The following PBRM1 variants were observed in gnomAD, a reference collection of about 807,000 sequenced individuals.
PBRM1 encodes protein polybromo-1.
A neutral mutation model predicts 194.5 loss-of-function variants in PBRM1; 27 were observed. The ratio of observed to expected loss-of-function variants is 0.14; its 90% CI spans 0.10 to 0.19. The LOEUF (loss-of-function observed/expected upper bound fraction) is 0.19, where lower values mean the gene tolerates loss of function less well. PBRM1 is among the 10% of genes least tolerant of loss of function. The probability of loss-of-function intolerance (pLI) is 1.00; values close to 1 mark genes in which losing one functional copy is unlikely to be tolerated. For missense variants in PBRM1, 1,466 were observed against 2,077.2 expected (o/e 0.71, Z 5.72); for synonymous variants, 655 against 693.2 (o/e 0.94, Z 0.87).
chr3:52,628,315 C>T (rs1163386305), intron 12 of PBRM1, among the ~76,000 whole-genome samples: 1 of 150,166 alleles, frequency 6.7e-6, no homozygotes, highest in Non-Finnish European at 1.5e-5. Context: ...AATCAGAAGG[C>T]TAACCCCATC....
chr3:52,574,745 G>T (rs372524013), intron 22 of PBRM1, among the ~76,000 whole-genome samples: 127 of 152,308 alleles, frequency 8.3e-4, no homozygotes, highest in African/African-American at 2.9e-3. Context: ...GCTGAGTGTT[G>T]AAGGTGTGCT....
intron 27 of PBRM1, among the ~76,000 whole-genome samples, chr3:52,553,913 C>T (rs1055439900): frequency 1.2e-4 from 19 of 152,136 alleles, no homozygotes; most frequent in Non-Finnish European, 2.2e-4. Flanking sequence ...CCGCCCACCT[C>T]GGCCTCCCAA....
chr3:52,574,616 CCAA>C (rs1199565270), intron 22 of PBRM1, among the ~76,000 whole-genome samples: 1 of 152,132 alleles, frequency 6.6e-6, no homozygotes, highest in Non-Finnish European at 1.5e-5. Context: ...CACACACATG[CCAA>C]CAATAGTGTA....
At chr3:52,613,330 C>CTATTCTGTTTTTT (rs2094752045) in intron 15 of PBRM1, among the ~76,000 whole-genome samples, 1 of 147,166 alleles carries the variant, frequency 6.8e-6, no homozygotes, top group South Asian at 2.1e-4. Flanking sequence ...GTTCACTGGA[C>CTATTCTGTTTTTT]TATTCTGTTT....
At chr3:52,554,960 A>G in intron 26 of PBRM1, 81 bp from the exon 29 acceptor site, 1 of 1,099,454 alleles carries the variant, frequency 9.1e-7, no homozygotes, top group Non-Finnish European at 1.4e-6. Context: ...CCCCACATGC[A>G]CTACCAATGA....
intron 29 of PBRM1, among the ~76,000 whole-genome samples, chr3:52,549,522 AAAC>A (rs746085631): frequency 2.0e-5 from 3 of 152,182 alleles, no homozygotes; most frequent in Non-Finnish European, 2.9e-5. Context: ...AAACAAAACA[AAAC>A]AACAAACAAA....
chr3:52,599,219 G>C (rs2093803730), intron 17 of PBRM1, among the ~76,000 whole-genome samples: 2 of 151,998 alleles, frequency 1.3e-5, no homozygotes, highest in African/African-American at 4.8e-5. Context: ...TATTTATGGA[G>C]TACAGTGTGA....
At chr3:52,600,099 TG>T (rs2093884641) in intron 17 of PBRM1, among the ~76,000 whole-genome samples, 1 of 152,168 alleles carries the variant, frequency 6.6e-6, no homozygotes, top group Non-Finnish European at 1.5e-5. Context: ...GAATGTGTAA[TG>T]ATCAAGTCAG....
rs1427546937 is a variant in PBRM1, at chr3:52,587,497, C to T, written c.2979G>A (p.Leu993=). The stretch of plus-strand genomic sequence containing the variant: ...TTGGTCGGTAAAACCAACAGCCATA[C>T]AACCATTTTTCACCTCAAAAATGGG... The change falls in exon 19 of 30, where the codon TTG becomes TTA. Residue 993 remains leucine, a synonymous_variant. Coordinates refer to ENST00000296302, the Ensembl canonical transcript of PBRM1. The T allele has an allele frequency of 1.9e-6, 3 of 1,600,644 alleles. No individual in the cohort carries two copies. The Admixed American group carries it at 5.2e-5, about 28-fold the overall frequency.
At chr3:52,597,154 C>G (rs926241330) in intron 17 of PBRM1, among the ~76,000 whole-genome samples, 4 of 152,200 alleles carry the variant, frequency 2.6e-5, no homozygotes, top group Admixed American at 2.6e-4. Context: ...CTGTGTCACA[C>G]AGCTGATGCT....
chr3:52,550,791 T>C (rs774508637), exon 28 of PBRM1: 14 of 1,611,058 alleles, frequency 8.7e-6, no homozygotes, highest in South Asian at 1.1e-5. Context: ...GTCCCTACCA[T>C]AGGGGCCACT....
intron 17 of PBRM1, among the ~76,000 whole-genome samples, chr3:52,596,230 G>C (rs1450475454): frequency 6.6e-6 from 1 of 151,748 alleles, no homozygotes; most frequent in Non-Finnish European, 1.5e-5. Context: ...ACGAGGTCAA[G>C]AGATCAAGAC....
intron 5 of PBRM1, among the ~76,000 whole-genome samples, chr3:52,653,249 G>A (rs1383190400): frequency 6.6e-6 from 1 of 152,142 alleles, no homozygotes; most frequent in African/African-American, 2.4e-5. Flanking sequence ...TTCAGTCAAA[G>A]TAAGTTTTTT....
At chr3:52,628,273 T>C (rs2095506902) in intron 12 of PBRM1, among the ~76,000 whole-genome samples, 2 of 151,546 alleles carry the variant, frequency 1.3e-5, no homozygotes, top group Non-Finnish European at 2.9e-5. Context: ...AATCCCAAAA[T>C]TACTGTACAG....
At chr3:52,677,691 G>A (rs918302763) in intron 2 of PBRM1, among the ~76,000 whole-genome samples, 1 of 152,052 alleles carries the variant, frequency 6.6e-6, no homozygotes, top group Non-Finnish European at 1.5e-5. Context: ...AGGATTACAG[G>A]AATGAGCCAT....
At chr3:52,578,859 A>G (rs926826459) in intron 21 of PBRM1, among the ~76,000 whole-genome samples, 195 bp downstream of exon 23, 1 of 152,224 alleles carries the variant, frequency 6.6e-6, no homozygotes, top group African/African-American at 2.4e-5. Flanking sequence ...AGTTCTGTAA[A>G]TAGTGGAAGA....
At chr3:52,561,968 A>C (rs1285350121) in exon 25 of PBRM1, 1 of 1,612,268 alleles carries the variant, frequency 6.2e-7, no homozygotes, top group South Asian at 1.1e-5. Flanking sequence ...TTTGGGGTAG[A>C]CTGTAAGACA....
intron 24 of PBRM1, 72 bp downstream of exon 26, chr3:52,563,211 T>G: frequency 8.9e-7 from 1 of 1,122,786 alleles, no homozygotes; most frequent in Non-Finnish European, 1.3e-6. Context: ...GGATGTCACT[T>G]TACTTTGGTT....
Position 52,548,254 on chromosome 3 carries a change from A to G in PBRM1, c.4898-19T>C. 7 of 1,541,430 alleles carry G rather than the reference A, an allele frequency of 4.5e-6. No individual in the cohort carries two copies. Among genetic ancestry groups the G allele is most frequent in the Non-Finnish European group, 6.1e-6 (7 of 1,149,774 alleles). ...CTTCGAGCTGAAAATTAAAGTACAG[A>G]GAGACAGAAATTAGAATTTTAAGTT... On this transcript the variant is annotated intron_variant, in intron 29 of 29. Coordinates refer to ENST00000296302, the Ensembl canonical transcript of PBRM1.
Sources: gnomAD v4.1 joint callset for allele counts (sites outside exome capture counted in the v4.1 genomes callset) on GRCh38, gnomAD v4.1.1 for gene constraint, MANE v1.5 for transcripts, NCBI Gene and HGNC (gene_info 2026-07-23, HGNC 2026-07-21) for gene names.